DNAAF5: variants seen among roughly 807,000 people sequenced by gnomAD.
DNAAF5 encodes the protein dynein axonemal assembly factor 5, also known as HEAT repeat containing 2.
In DNAAF5, 64 loss-of-function variants were observed where a neutral mutation model predicts 75.8. That is an observed-to-expected ratio of 0.84 (90% CI 0.69 to 1.04). The LOEUF (loss-of-function observed/expected upper bound fraction) is 1.04. Ranked by LOEUF, DNAAF5 falls within the 50% of genes least tolerant of loss-of-function variation. DNAAF5 has a pLI of 0.00. For missense variants in DNAAF5, 1,269 were observed against 1,178.5 expected, an observed-to-expected ratio of 1.08 and a Z score of -1.12; for synonymous variants, 657 against 557.2, an observed-to-expected ratio of 1.18 and a Z score of -2.52.
Position 757,054 on chromosome 7 carries a change from G to C in DNAAF5, c.1470+60G>C. ...AGGAGCCTCCCCTGCCCGGCCGTCAGCCATCGTAATGACATGTCTGTGGGT... is the reference window on the plus strand; with the variant it reads ...AGGAGCCTCCCCTGCCCGGCCGTCACCCATCGTAATGACATGTCTGTGGGT... On this transcript the variant is annotated intron_variant, in intron 6 of 12. Coordinates refer to ENST00000297440, the MANE Select transcript of DNAAF5 (RefSeq NM_017802.4). The C allele has an allele frequency of 2.0e-6, 3 of 1,491,948 alleles. No homozygotes were observed. The Admixed American group carries it at 5.9e-5, about 29-fold the overall frequency. The allele number at this position is 1,491,948 out of a possible 1,614,324, so 92.4% of individuals were successfully genotyped here.
chr7:733,122 C>T (rs907518166), intron 2 of DNAAF5, among the ~76,000 whole-genome samples: 14 of 152,184 alleles, frequency 9.2e-5, no homozygotes, highest in African/African-American at 3.4e-4. Context: ...CTTCTCTATT[C>T]TGTTCCATTG....
At position 770,605 on chromosome 7, in the gene DNAAF5, A is replaced by G. The variant is rs761841828; in HGVS notation, c.1918A>G (p.Ile640Val). 1.9e-6 allele frequency: 3 copies of G among 1,613,554 alleles called. No individual in the cohort carries two copies. The highest frequency in any genetic ancestry group is 2.5e-6 in the Non-Finnish European group (3 of 1,179,916). The change falls in exon 9 of 13, where the codon ATC becomes GTC. Residue 640 changes from isoleucine to valine, a missense_variant. Physicochemically the swap from Ile to Val is conservative, Grantham distance 29. Coordinates refer to ENST00000297440, the MANE Select transcript of DNAAF5 (RefSeq NM_017802.4). ...CGTGCTGCTCAGAGCCACGGACACC[A>G]TCAACTCCCAGGGGTAGGTCCGGGC... The part of the protein sequence containing the change: ...STVLLRATDT[I>V]NSQGQFPSYL...
chr7:751,933 G>A (rs892722678), intron 4 of DNAAF5, among the ~76,000 whole-genome samples: 4 of 151,960 alleles, frequency 2.6e-5, no homozygotes, highest in Admixed American at 6.6e-5. Context: ...TGTAGAAATC[G>A]ACAAACTGAT....
intron 8 of DNAAF5, among the ~76,000 whole-genome samples, chr7:768,306 C>A (rs1282137216): frequency 6.8e-6 from 1 of 147,636 alleles, no homozygotes; most frequent in African/African-American, 2.5e-5. Context: ...CGGAAGTGTC[C>A]GTGCTGCGAG....
intron 4 of DNAAF5, among the ~76,000 whole-genome samples, chr7:745,754 A>G (rs889435378): frequency 2.0e-5 from 3 of 152,346 alleles, no homozygotes; most frequent in Non-Finnish European, 2.9e-5. Context: ...ACACATGTAC[A>G]TACACATCCT....
At chr7:730,910 G>A (rs577064328) in intron 2 of DNAAF5, among the ~76,000 whole-genome samples, 120 of 152,324 alleles carry the variant, frequency 7.9e-4, no homozygotes, top group African/African-American at 2.8e-3. Flanking sequence ...CAGCACAGAG[G>A]GCCCCTGAGG....
intron 12 of DNAAF5, among the ~76,000 whole-genome samples, chr7:782,696 ACGCAGCG>A (rs1583528323): frequency 1.2e-5 from 1 of 84,624 alleles, no homozygotes; most frequent in Admixed American, 1.2e-4. Context: ...GCCTCCCGTC[ACGCAGCG>A]TCAGAAACTC....
chr7:759,097 C>T (rs549240346), intron 6 of DNAAF5, among the ~76,000 whole-genome samples: 4 of 152,182 alleles, frequency 2.6e-5, no homozygotes, highest in South Asian at 2.1e-4. Flanking sequence ...GTGCTCTTCC[C>T]GCGGCCGGCC....
chr7:776,805 A>G (rs899985487), intron 11 of DNAAF5, among the ~76,000 whole-genome samples: 11 of 152,322 alleles, frequency 7.2e-5, no homozygotes, highest in African/African-American at 1.7e-4. Flanking sequence ...ATGGGCCAGT[A>G]CCTGTCCGGG....
At chr7:737,195 A>G (rs1781766173) in intron 2 of DNAAF5, among the ~76,000 whole-genome samples, 1 of 152,132 alleles carries the variant, frequency 6.6e-6, no homozygotes, top group Non-Finnish European at 1.5e-5. Context: ...TCCCAGGTTC[A>G]AGCGATTCTC....
chr7:737,247 C>A (rs1485313604), intron 2 of DNAAF5, among the ~76,000 whole-genome samples: 1 of 152,104 alleles, frequency 6.6e-6, no homozygotes, highest in Non-Finnish European at 1.5e-5. Flanking sequence ...AGGCACCCAC[C>A]ACCACACCCA....
At chr7:733,310 G>A (rs1387517720) in intron 2 of DNAAF5, among the ~76,000 whole-genome samples, 3 of 151,996 alleles carry the variant, frequency 2.0e-5, no homozygotes, top group Non-Finnish European at 2.9e-5. Flanking sequence ...TATAAATTTA[G>A]GATTATTTTT....
At chr7:768,179 CGGAAGT>C (rs988920743) in intron 8 of DNAAF5, among the ~76,000 whole-genome samples, 2 of 107,888 alleles carry the variant, frequency 1.9e-5, no homozygotes, top group Non-Finnish European at 3.7e-5. Flanking sequence ...GTGGTCCAGG[CGGAAGT>C]GTCCATGCTG....
chr7:729,757 C>G lies in DNAAF5; in HGVS notation c.690C>G (p.Ala230=), dbSNP rs1282965224. 1 of 1,614,220 alleles carries G rather than the reference C, an allele frequency of 6.2e-7. No individual in the cohort carries two copies. Among genetic ancestry groups the G allele is most frequent in the Non-Finnish European group, 8.5e-7 (1 of 1,180,026 alleles). ...HWKVRVAAIE[A]TGAVIHFGNG... is the part of the protein sequence containing the mutation. ...AGGTCCGTGTGGCCGCCATTGAAGC[C>G]ACAGGCGCAGTGATCCATTTTGGCA... Residue 230 remains alanine, a synonymous_variant, in exon 2 of 13, where the codon GCC becomes GCG. Transcript: ENST00000297440.
chr7:785,210 A>G (rs1779108796), intron 12 of DNAAF5, among the ~76,000 whole-genome samples: 1 of 151,948 alleles, frequency 6.6e-6, no homozygotes, highest in Non-Finnish European at 1.5e-5. Context: ...TCGTATCCAC[A>G]TTGTGACTAC....
chr7:732,429 GC>G (rs1215991034), intron 2 of DNAAF5: 2 of 425,496 alleles, frequency 4.7e-6, no homozygotes, highest in Non-Finnish European at 9.5e-6. Flanking sequence ...CCTGGTTGTC[GC>G]CAGGCCTGCA....
chr7:770,859 G>T (rs1005379633), intron 9 of DNAAF5: 6 of 472,454 alleles, frequency 1.3e-5, no homozygotes, highest in Non-Finnish European at 2.3e-5. Context: ...CTCCCCCACA[G>T]CACTCTGGGT....
chr7:730,294 C>T (rs1781524500), intron 2 of DNAAF5, among the ~76,000 whole-genome samples: 1 of 152,016 alleles, frequency 6.6e-6, no homozygotes, highest in Admixed American at 6.5e-5. Context: ...AGGCAGGAGT[C>T]CTACAGATGG....
chr7:763,657 G>C, intron 7 of DNAAF5, 149 bp from the exon 8 acceptor site: 1 of 856,188 alleles, frequency 1.2e-6, no homozygotes. Context: ...CCCTGGGCGG[G>C]GCTCCCTGTG....
Sources: allele counts gnomAD v4.1 joint callset (sites outside exome capture counted in the v4.1 genomes callset), GRCh38; gene constraint gnomAD v4.1.1; transcripts MANE v1.5; gene names NCBI Gene and HGNC (gene_info 2026-07-23, HGNC 2026-07-21).